DENND4C: variants seen among roughly 807,000 people sequenced by gnomAD.
DENND4C encodes DENN domain containing 4C.
A neutral mutation model predicts 203.0 loss-of-function variants in DENND4C; 108 were observed. The observed-to-expected ratio is 0.53, with a 90% CI of 0.46 to 0.62. The LOEUF is 0.62. Ranked by LOEUF, DENND4C falls within the 20% of genes least tolerant of loss-of-function variation. The pLI is 0.00. For missense variants in DENND4C, 2,481 were observed against 2,301.2 expected, an observed-to-expected ratio of 1.08 and a Z score of -1.60; for synonymous variants, 871 against 792.4, an observed-to-expected ratio of 1.10 and a Z score of -1.67.
intron 2 of DENND4C, among the ~76,000 whole-genome samples, chr9:19,279,907 A>T (rs1271439918): frequency 3.8e-5 from 4 of 104,140 alleles, no homozygotes; most frequent in Middle Eastern, 4.4e-3. Context: ...GAGGGTGAAG[A>T]TATATGAATT....
intron 1 of DENND4C, among the ~76,000 whole-genome samples, chr9:19,239,640 C>A (rs750302303): frequency 1.3e-5 from 2 of 152,060 alleles, no homozygotes; most frequent in Non-Finnish European, 2.9e-5. Context: ...GCGCACACCA[C>A]CATGCCCGGC....
Position 19,336,793 on chromosome 9 carries a change from T to G in DENND4C, c.2842T>G (p.Leu948Val). Reference protein sequence around the residue: ...NGEHTVFVRDLIRLESIDNHS... With the variant: ...NGEHTVFVRDVIRLESIDNHS... ...GGAGCACACAGTCTTCGTCAGAGATTTAATCAGGCTTGAGTCCATTGATAA... is the reference window on the plus strand; with the variant it reads ...GGAGCACACAGTCTTCGTCAGAGATGTAATCAGGCTTGAGTCCATTGATAA... The change falls in exon 20 of 33, where the codon TTA becomes GTA. Residue 948 changes from leucine to valine, a missense_variant. Leu to Val is a conservative substitution (Grantham distance 32). Around this residue, in one of 3 missense-constraint regions of DENND4C, gnomAD observed 2,289 missense variants for 2,113.3 expected, o/e 1.08. Coordinates refer to ENST00000434457, the MANE Select transcript of DENND4C (RefSeq NM_001330640.2). The G allele has an allele frequency of 6.4e-7, 1 of 1,550,724 alleles. No homozygotes were observed. Among genetic ancestry groups the G allele is most frequent in the Middle Eastern group, 1.7e-4 (1 of 5,992 alleles).
At chr9:19,282,475 A>G (rs1365921346) in intron 2 of DENND4C, among the ~76,000 whole-genome samples, 1 of 150,000 alleles carries the variant, frequency 6.7e-6, no homozygotes, top group Non-Finnish European at 1.5e-5. Flanking sequence ...GCTGCTCTGG[A>G]ACACCTGAGC....
intron 2 of DENND4C, among the ~76,000 whole-genome samples, chr9:19,281,000 C>T (rs1002241916): frequency 3.9e-5 from 6 of 152,140 alleles, no homozygotes; most frequent in African/African-American, 7.2e-5. Flanking sequence ...CTCGGCCTCC[C>T]GAAGTGCTGG....
At chr9:19,292,736 G>C (rs1009430752) in intron 5 of DENND4C, among the ~76,000 whole-genome samples, 1 of 151,514 alleles carries the variant, frequency 6.6e-6, no homozygotes, top group African/African-American at 2.4e-5. Context: ...AGTTGAGATG[G>C]GGTTTCACCA....
At chr9:19,231,483 T>TC (rs1162743760) in intron 1 of DENND4C, among the ~76,000 whole-genome samples, 3 of 151,824 alleles carry the variant, frequency 2.0e-5, no homozygotes, top group African/African-American at 7.3e-5. Context: ...AGGAATGAAG[T>TC]CCTAAGGCTG....
At chr9:19,349,432 A>C (rs1764438943) in intron 23 of DENND4C, among the ~76,000 whole-genome samples, 1 of 152,154 alleles carries the variant, frequency 6.6e-6, no homozygotes, top group African/African-American at 2.4e-5. Context: ...TATCTGTTAA[A>C]AACAGAAGTA....
In DENND4C at chr9:19,342,694, T is replaced by C. The variant is rs1821926967; in HGVS notation, c.3066T>C (p.Ser1022=). The change falls in exon 22 of 33, where the codon AGT becomes AGC. Residue 1022 remains serine (S), a synonymous_variant. Coordinates refer to ENST00000434457, the MANE Select transcript of DENND4C (RefSeq NM_001330640.2). ...KHSQPSPEPH[S]PTEPPAWGSS... is the part of the protein sequence containing the mutation. ...CACAACCTAGTCCAGAGCCTCACAGTCCTACTGAACCTCCTGCATGGGGCA... is the reference window on the plus strand; with the variant it reads ...CACAACCTAGTCCAGAGCCTCACAGCCCTACTGAACCTCCTGCATGGGGCA... 1.2e-6 allele frequency: 2 copies of C among 1,613,700 alleles called. No individual in the cohort carries two copies. The highest frequency in any genetic ancestry group is 1.7e-6 in the Non-Finnish European group (2 of 1,179,810).
chr9:19,256,277 T>C (rs1431986020), intron 1 of DENND4C, among the ~76,000 whole-genome samples: 1 of 150,936 alleles, frequency 6.6e-6, no homozygotes, highest in African/African-American at 2.4e-5. Flanking sequence ...TTAAAAAAAT[T>C]TTTCTTTTTT....
chr9:19,282,527 TAC>T (rs1834267942), intron 2 of DENND4C, among the ~76,000 whole-genome samples: 1 of 142,894 alleles, frequency 7.0e-6, no homozygotes, highest in Non-Finnish European at 1.5e-5. Flanking sequence ...GTGCTGGGAT[TAC>T]AGGCATGTGC....
chr9:19,363,585 A>G (rs182547244), intron 30 of DENND4C, among the ~76,000 whole-genome samples: 2 of 152,322 alleles, frequency 1.3e-5, no homozygotes, highest in African/African-American at 4.8e-5. Flanking sequence ...CTTATCTCCA[A>G]ATAGAGTCAC....
Position 19,372,705 on chromosome 9 carries a change from CTT to C in DENND4C, c.*534_*535del. The C allele has an allele frequency of 6.6e-6, 1 of 152,266 alleles. No homozygotes were observed. The highest frequency in any genetic ancestry group is 1.9e-4 in the East Asian group (1 of 5,198). 9.4% of individuals were successfully genotyped at this position (152,266 alleles called of 1,614,324 possible). A position where few individuals can be genotyped will look rare whatever the true frequency, so the allele number is the denominator to read the frequency against. ...CCTGGCCAACACGGTGAGACCCTGTCTTTACTAAAAATACAAAAATTAGCCAG... is the reference window on the plus strand; with the variant it reads ...CCTGGCCAACACGGTGAGACCCTGTCTACTAAAAATACAAAAATTAGCCAG... On this transcript the variant is annotated 3_prime_UTR_variant, in exon 33 of 33. Transcript: ENST00000434457.
At chr9:19,325,210 G>C (rs1843527534) in intron 13 of DENND4C, among the ~76,000 whole-genome samples, 1 of 152,010 alleles carries the variant, frequency 6.6e-6, no homozygotes, top group Admixed American at 6.6e-5. Flanking sequence ...TTGTTTTAAT[G>C]TCTTTCCAGA....
chr9:19,240,569 G>A (rs1823414307), intron 1 of DENND4C, among the ~76,000 whole-genome samples: 1 of 151,978 alleles, frequency 6.6e-6, no homozygotes, highest in African/African-American at 2.4e-5. Flanking sequence ...GCGAGGCTGA[G>A]GCAGGAGAAT....
intron 26 of DENND4C, among the ~76,000 whole-genome samples, chr9:19,354,732 G>A (rs1824988362): frequency 6.6e-6 from 1 of 151,552 alleles, no homozygotes; most frequent in South Asian, 2.1e-4. Context: ...TTTTTGTAGA[G>A]ATGGGGTTTC....
chr9:19,324,748 C>G (rs963280889), intron 13 of DENND4C, among the ~76,000 whole-genome samples: 1 of 152,208 alleles, frequency 6.6e-6, no homozygotes, highest in Non-Finnish European at 1.5e-5. Flanking sequence ...GAAACAGCAT[C>G]TCATTCTGTT....
intron 3 of DENND4C, 34 bp downstream of exon 3, chr9:19,287,055 A>C: frequency 8.1e-7 from 1 of 1,231,598 alleles, no homozygotes; most frequent in Middle Eastern, 3.1e-4. Flanking sequence ...AAAGTTTCAT[A>C]TGAAACCAAA....
chr9:19,257,579 A>C (rs1183409222), intron 1 of DENND4C, among the ~76,000 whole-genome samples: 2 of 143,616 alleles, frequency 1.4e-5, no homozygotes, highest in Admixed American at 6.8e-5. Flanking sequence ...AAGAAATATG[A>C]AACAGAAAAG....
chr9:19,246,612 T>G (rs909927721), intron 1 of DENND4C, among the ~76,000 whole-genome samples: 1 of 152,076 alleles, frequency 6.6e-6, no homozygotes, highest in Non-Finnish European at 1.5e-5. Context: ...CGAAAATGAT[T>G]CCTACTTGCA....
Sources: gnomAD v4.1 joint callset for allele counts (sites outside exome capture counted in the v4.1 genomes callset) on GRCh38, gnomAD v4.1.1 for gene constraint, gnomAD v4.1.1 regional missense constraint, MANE v1.5 for transcripts, NCBI Gene and HGNC (gene_info 2026-07-23, HGNC 2026-07-21) for gene names.